The following IQCM variants were observed in gnomAD, a reference collection of about 807,000 sequenced individuals.
IQCM encodes the protein IQ motif containing M.
IQCM carries 45 observed loss-of-function variants against 57.6 expected under a neutral mutation model. The observed-to-expected ratio is 0.78, with a 90% CI of 0.62 to 1.00. The LOEUF is 1.00. IQCM is among the 50% of genes least tolerant of loss of function. The pLI is 0.00. For synonymous variants in IQCM, 148 were observed against 158.9 expected (o/e 0.93, Z 0.51); for missense variants, 468 against 511.6 (o/e 0.91, Z 0.82).
At chr4:149,702,844 T>C (rs1009589358) in intron 5 of IQCM, among the ~76,000 whole-genome samples, 1 of 151,944 alleles carries the variant, frequency 6.6e-6, no homozygotes, top group African/African-American at 2.4e-5. Flanking sequence ...GAGTAACTTT[T>C]TTATCTGAGG....
chr4:149,498,468 T>G lies in IQCM; in HGVS notation c.1228+49987A>C, dbSNP rs540876631. Among the ~76,000 whole-genome samples the G allele has an allele frequency of 4.7e-4, 72 of 152,252 alleles. 1 individual carries two copies. In the South Asian group the frequency reaches 0.015, roughly 32 times the overall value. On this transcript the variant is annotated intron_variant, in intron 12 of 13. Transcript: ENST00000636793. Reference sequence around the variant, plus strand: ...GAAAGTAGCCAGGCTTCGACTTCCTTGTAGGCATTTCAACCAAGAAAACTG... The same window carrying G: ...GAAAGTAGCCAGGCTTCGACTTCCTGGTAGGCATTTCAACCAAGAAAACTG...
intron 13 of IQCM, among the ~76,000 whole-genome samples, chr4:149,428,280 G>C (rs917778312): frequency 1.3e-5 from 2 of 151,750 alleles, no homozygotes; most frequent in East Asian, 3.9e-4. Flanking sequence ...TCTGGGATGC[G>C]TATTTTTAAA....
chr4:149,503,619 A>G (rs917145896), intron 12 of IQCM, among the ~76,000 whole-genome samples: 1 of 152,192 alleles, frequency 6.6e-6, no homozygotes, highest in Non-Finnish European at 1.5e-5. Context: ...GATATAAGGT[A>G]TTTTTCTATA....
intron 12 of IQCM, among the ~76,000 whole-genome samples, chr4:149,504,148 C>G (rs1462632193): frequency 6.6e-6 from 1 of 151,868 alleles, no homozygotes; most frequent in East Asian, 1.9e-4. Flanking sequence ...CCCAAGATGG[C>G]CAGAGTGAAA....
intron 7 of IQCM, among the ~76,000 whole-genome samples, chr4:149,636,738 T>A (rs887173736): frequency 1.3e-5 from 2 of 152,186 alleles, no homozygotes; most frequent in African/African-American, 4.8e-5. Context: ...AAGAAAATGA[T>A]AAGTAGACAC....
chr4:149,562,761 C>A (rs1219505653), intron 10 of IQCM, among the ~76,000 whole-genome samples: 4 of 151,900 alleles, frequency 2.6e-5, no homozygotes, highest in Non-Finnish European at 5.9e-5. Context: ...TATGTGATTC[C>A]CATACATATT....
intron 2 of IQCM, among the ~76,000 whole-genome samples, chr4:149,810,153 G>T (rs544184183): frequency 3.7e-4 from 57 of 152,112 alleles, no homozygotes; most frequent in Admixed American, 1.6e-3. Flanking sequence ...GGGAGGCCAA[G>T]GTGGGTGGAA....
chr4:149,663,376 C>T (rs1760397099), intron 7 of IQCM, among the ~76,000 whole-genome samples: 1 of 151,924 alleles, frequency 6.6e-6, no homozygotes, highest in African/African-American at 2.4e-5. Flanking sequence ...TATGTATTTA[C>T]CTCTCCTGGA....
At chr4:149,800,819 TGA>T in intron 2 of IQCM, among the ~76,000 whole-genome samples, 1 of 151,782 alleles carries the variant, frequency 6.6e-6, no homozygotes, top group Non-Finnish European at 1.5e-5. Flanking sequence ...AAAACACTAA[TGA>T]GAGAATTGAA....
intron 7 of IQCM, among the ~76,000 whole-genome samples, chr4:149,658,055 C>G (rs1159619018): frequency 6.6e-6 from 1 of 150,676 alleles, no homozygotes; most frequent in African/African-American, 2.4e-5. Flanking sequence ...TGCTTTTGTT[C>G]CCTGTGCATT....
chr4:149,692,833 G>T (rs1270218742), intron 5 of IQCM, among the ~76,000 whole-genome samples: 1 of 151,922 alleles, frequency 6.6e-6, no homozygotes, highest in Admixed American at 6.6e-5. Context: ...TTTCAGTTCT[G>T]AAATATAAAT....
At chr4:149,368,822 A>G (rs1428454824) in intron 13 of IQCM, among the ~76,000 whole-genome samples, 6 of 98,946 alleles carry the variant, frequency 6.1e-5, no homozygotes, top group Non-Finnish European at 8.2e-5. Flanking sequence ...ATATATACAT[A>G]TATATACATG....
intron 2 of IQCM, among the ~76,000 whole-genome samples, chr4:149,801,862 T>C (rs778411597): frequency 6.6e-6 from 1 of 151,860 alleles, no homozygotes; most frequent in Non-Finnish European, 1.5e-5. Flanking sequence ...TCAAAAATAA[T>C]TATACATTTT....
At chr4:149,393,135 T>G (rs1014516843) in intron 13 of IQCM, among the ~76,000 whole-genome samples, 1 of 152,014 alleles carries the variant, frequency 6.6e-6, no homozygotes, top group Non-Finnish European at 1.5e-5. Context: ...ATTGTTTCAC[T>G]GCACTCCAGT....
At chr4:149,368,771 CATATATATACATGTATATAT>C (rs1730031318) in intron 13 of IQCM, among the ~76,000 whole-genome samples, 1 of 73,292 alleles carries the variant, frequency 1.4e-5, no homozygotes, top group Non-Finnish European at 3.3e-5. Context: ...TATATATATA[CATATATATACATGTATATAT>C]ATACATATAT....
At chr4:149,385,631 G>T (rs1469875487) in intron 13 of IQCM, among the ~76,000 whole-genome samples, 1 of 152,014 alleles carries the variant, frequency 6.6e-6, no homozygotes, top group Admixed American at 6.6e-5. Flanking sequence ...TACAACTTAT[G>T]ATCTTTCCTT....
chr4:149,435,930 C>G (rs1470998420), intron 12 of IQCM, among the ~76,000 whole-genome samples: 1 of 151,958 alleles, frequency 6.6e-6, no homozygotes, highest in African/African-American at 2.4e-5. Context: ...CAAAAAGTTA[C>G]AAAGAAATTT....
chr4:149,763,426 A>C (rs927507467), intron 2 of IQCM, among the ~76,000 whole-genome samples: 1 of 152,088 alleles, frequency 6.6e-6, no homozygotes, highest in Admixed American at 6.6e-5. Context: ...AGAGGTTTCT[A>C]GAGGAGAAAA....
At chr4:149,777,308 T>C (rs962690184) in intron 2 of IQCM, among the ~76,000 whole-genome samples, 1 of 152,212 alleles carries the variant, frequency 6.6e-6, no homozygotes, top group African/African-American at 2.4e-5. Flanking sequence ...TCTCAGAGCA[T>C]TCAATGCAGA....
Sources: allele counts gnomAD v4.1 joint callset (sites outside exome capture counted in the v4.1 genomes callset), GRCh38; gene constraint gnomAD v4.1.1; transcripts MANE v1.5; gene names NCBI Gene and HGNC (gene_info 2026-07-23, HGNC 2026-07-21).